SNRPD1: variants seen among roughly 807,000 people sequenced by gnomAD.
The protein encoded by SNRPD1 is small nuclear ribonucleoprotein Sm D1.
SNRPD1 carries 1 observed loss-of-function variant against 14.4 expected under a neutral mutation model. The observed-to-expected ratio is 0.07, with a 90% confidence interval of 0.02 to 0.33. SNRPD1 has a LOEUF of 0.33. Among genes scored for constraint, SNRPD1 ranks in the 10% least tolerant of loss-of-function variants. The pLI, the probability that SNRPD1 is intolerant of heterozygous loss-of-function variation, is 1.00. For synonymous variants in SNRPD1, 42 were observed against 50.3 expected (o/e 0.83, Z 0.70); for missense variants, 52 against 146.4 (o/e 0.36, Z 3.33).
At position 21,632,793 on chromosome 18, in the gene SNRPD1, T is replaced by C. The variant is rs1331207648; in HGVS notation, c.*3655T>C. 1 of 153,668 alleles carries C rather than the reference T, an allele frequency of 6.5e-6. No homozygotes were observed. Among genetic ancestry groups the C allele is most frequent in the Non-Finnish European group, 1.4e-5 (1 of 69,202 alleles). The allele number at this position is 153,668 out of a possible 1,614,324, so 9.5% of individuals were successfully genotyped here. A position where few individuals can be genotyped will look rare whatever the true frequency, so the allele number is the denominator to read the frequency against. On this transcript the variant is annotated 3_prime_UTR_variant, in exon 4 of 4. Coordinates refer to ENST00000300413, the MANE Select transcript of SNRPD1 (RefSeq NM_006938.4). ...TGCAGCATTTTGTACACATCTGATA[T>C]TTAATGAGATGTTACATATGAACTT...
intron 1 of SNRPD1, among the ~76,000 whole-genome samples, chr18:21,621,476 C>G (rs765500595): frequency 2.0e-5 from 3 of 152,184 alleles, no homozygotes; most frequent in Admixed American, 6.6e-5. Flanking sequence ...TCTCACCTCA[C>G]TGCAAATGCT....
At chr18:21,626,394 C>CAAAA (rs774960503) in intron 3 of SNRPD1, among the ~76,000 whole-genome samples, 2 of 51,060 alleles carry the variant, frequency 3.9e-5, no homozygotes, top group South Asian at 8.1e-4. Context: ...ACCCTGTCGC[C>CAAAA]AAAAAAAAAA....
Position 21,631,071 on chromosome 18 carries a change from G to A in SNRPD1, c.*1933G>A, listed in dbSNP as rs1196176230. On this transcript the variant is annotated 3_prime_UTR_variant, in exon 4 of 4. Coordinates refer to ENST00000300413, the MANE Select transcript of SNRPD1 (RefSeq NM_006938.4). Reference sequence around the variant, plus strand: ...AATTATTGGCAGTGGTCACCCAGTTGTATTACAGGTTCTATGATCCAAAAA... The same window carrying A: ...AATTATTGGCAGTGGTCACCCAGTTATATTACAGGTTCTATGATCCAAAAA... 1 of 151,788 alleles carries A rather than the reference G, an allele frequency of 6.6e-6. No individual in the cohort carries two copies. The highest frequency in any genetic ancestry group is 2.4e-5 in the African/African-American group (1 of 41,330). The allele number at this position is 151,788 out of a possible 1,614,324, so 9.4% of individuals were successfully genotyped here.
rs1040855109 is a variant in SNRPD1 at position 21,632,553 on chromosome 18, C to T, written c.*3415C>T. 3.3e-5 allele frequency: 5 copies of T among 151,988 alleles called. No homozygotes were observed. The highest frequency in any genetic ancestry group is 7.4e-5 in the Non-Finnish European group (5 of 68,008). The allele number at this position is 151,988 out of a possible 1,614,324, so 9.4% of individuals were successfully genotyped here. A position where few individuals can be genotyped will look rare whatever the true frequency, so the allele number is the denominator to read the frequency against. On this transcript the variant is annotated 3_prime_UTR_variant, in exon 4 of 4. Transcript: ENST00000300413. ...ACAGTTTAAATGTAATAATAAATCA[C>T]AGTGGGTACTAGATTGAGTTTATTC... is the stretch of plus-strand genomic sequence containing the variant.
chr18:21,627,442 T>G (rs2039048720), intron 3 of SNRPD1, among the ~76,000 whole-genome samples: 2 of 141,482 alleles, frequency 1.4e-5, no homozygotes, highest in Non-Finnish European at 3.1e-5. Flanking sequence ...GGGTTTTTTT[T>G]TTTTTTTTTT....
intron 1 of SNRPD1, among the ~76,000 whole-genome samples, chr18:21,615,551 G>T (rs1263241913): frequency 6.6e-6 from 1 of 151,934 alleles, no homozygotes; most frequent in Non-Finnish European, 1.5e-5. Context: ...CCAGGAGGTG[G>T]AGATTGCAGT....
chr18:21,620,711 C>T (rs2038990824), intron 1 of SNRPD1, among the ~76,000 whole-genome samples: 1 of 151,918 alleles, frequency 6.6e-6, no homozygotes, highest in African/African-American at 2.4e-5. Flanking sequence ...AAATTCAAAA[C>T]ATAAAAGTGA....
At chr18:21,623,318 C>T (rs2039012153) in intron 2 of SNRPD1, among the ~76,000 whole-genome samples, 1 of 152,140 alleles carries the variant, frequency 6.6e-6, no homozygotes, top group East Asian at 1.9e-4. Context: ...GTCTCGAACT[C>T]CTGACCTCAT....
chr18:21,615,172 G>T (rs1012772912), intron 1 of SNRPD1, among the ~76,000 whole-genome samples: 1 of 152,122 alleles, frequency 6.6e-6, no homozygotes, highest in Non-Finnish European at 1.5e-5. Context: ...AATTTTGCCT[G>T]CGCTAGAATT....
intron 1 of SNRPD1, among the ~76,000 whole-genome samples, chr18:21,616,231 C>T (rs569185145): frequency 3.3e-5 from 5 of 152,266 alleles, no homozygotes; most frequent in South Asian, 2.1e-4. Context: ...GTGATCCGCC[C>T]GCCTTGGCCT....
chr18:21,619,328 T>C (rs1008444808), intron 1 of SNRPD1, among the ~76,000 whole-genome samples: 21 of 152,126 alleles, frequency 1.4e-4, no homozygotes, highest in Admixed American at 3.3e-4. Flanking sequence ...TACAGTCAAG[T>C]GCCACCAAGT....
chr18:21,629,031 T>C (rs769165937), intron 3 of SNRPD1, 31 bp from the exon 4 acceptor site: 9 of 1,575,346 alleles, frequency 5.7e-6, no homozygotes, highest in South Asian at 2.2e-5. Context: ...CAGGAGAGAA[T>C]TGAACTTGGT....
At chr18:21,628,420 A>G (rs757053131) in intron 3 of SNRPD1, among the ~76,000 whole-genome samples, 4 of 152,206 alleles carry the variant, frequency 2.6e-5, no homozygotes, top group Non-Finnish European at 5.9e-5. Context: ...TTCTATGTCA[A>G]GATTTTCTAA....
intron 3 of SNRPD1, among the ~76,000 whole-genome samples, chr18:21,625,728 T>C (rs2146261473): frequency 6.6e-6 from 1 of 152,254 alleles, no homozygotes; most frequent in Admixed American, 6.5e-5. Context: ...GTCCTGCCTC[T>C]GCCTCTCCAG....
At chr18:21,620,323 A>T (rs2038988450) in intron 1 of SNRPD1, among the ~76,000 whole-genome samples, 1 of 151,348 alleles carries the variant, frequency 6.6e-6, no homozygotes, top group Non-Finnish European at 1.5e-5. Flanking sequence ...CAGGTCTCGA[A>T]CTCCTGGCCT....
At chr18:21,627,938 C>T (rs1372109020) in intron 3 of SNRPD1, among the ~76,000 whole-genome samples, 1 of 152,094 alleles carries the variant, frequency 6.6e-6, no homozygotes, top group Non-Finnish European at 1.5e-5. Context: ...TCCTTTAATG[C>T]GTATCAGCTG....
chr18:21,624,887 C>G (rs2039025067), intron 3 of SNRPD1, among the ~76,000 whole-genome samples: 2 of 151,954 alleles, frequency 1.3e-5, no homozygotes, highest in Admixed American at 6.6e-5. Context: ...CTTTTGTACC[C>G]TTTAAATCAT....
chr18:21,624,870 G>A (rs1468664784), intron 3 of SNRPD1, among the ~76,000 whole-genome samples: 2 of 151,890 alleles, frequency 1.3e-5, no homozygotes, highest in Non-Finnish European at 2.9e-5. Flanking sequence ...GTGTTTCAGT[G>A]CACATCCTTT....
chr18:21,620,934 C>T (rs928224759), intron 1 of SNRPD1, among the ~76,000 whole-genome samples: 47 of 151,874 alleles, frequency 3.1e-4, no homozygotes, highest in Admixed American at 2.9e-3. Flanking sequence ...GAGGCCGAGG[C>T]GGGTGGATCA....
Sources: allele counts gnomAD v4.1 joint callset (sites outside exome capture counted in the v4.1 genomes callset), GRCh38; gene constraint gnomAD v4.1.1; transcripts MANE v1.5; gene names NCBI Gene and HGNC (gene_info 2026-07-23, HGNC 2026-07-21).